Variants in CCDC141 observed in about 807,000 individuals in gnomAD.
CCDC141 encodes the protein coiled-coil domain containing 141.
In CCDC141, 168 loss-of-function variants were observed where a neutral mutation model predicts 181.0. That is an observed-to-expected ratio of 0.93 (90% confidence interval 0.82 to 1.05). The LOEUF (loss-of-function observed/expected upper bound fraction) is 1.05, where lower values mean the gene tolerates loss of function less well. Ranked by LOEUF, CCDC141 falls within the 50% of genes least tolerant of loss-of-function variation. The pLI, the probability that CCDC141 is intolerant of heterozygous loss-of-function variation, is 0.00. For synonymous variants in CCDC141, 666 were observed against 642.3 expected (o/e 1.04, Z -0.56); for missense variants, 1,902 against 1,788.5 (o/e 1.06, Z -1.14).
intron 17 of CCDC141, among the ~76,000 whole-genome samples, chr2:178,865,431 G>A (rs1322738924): frequency 1.3e-5 from 2 of 152,118 alleles, no homozygotes; most frequent in African/African-American, 4.8e-5. Context: ...ATCCACTGAA[G>A]CAAATGACTG....
At chr2:178,845,971 G>A (rs1350010369) in intron 21 of CCDC141, among the ~76,000 whole-genome samples, 1 of 152,172 alleles carries the variant, frequency 6.6e-6, no homozygotes. Flanking sequence ...AAAATTGGTT[G>A]TTGAAAGACC....
At chr2:178,895,556 AC>A (rs1200950458) in intron 8 of CCDC141, among the ~76,000 whole-genome samples, 2 of 152,218 alleles carry the variant, frequency 1.3e-5, no homozygotes, top group Non-Finnish European at 2.9e-5. Flanking sequence ...AGCTTTTGGT[AC>A]TTTCCACACT....
chr2:178,982,431 C>G (rs1691460847), intron 2 of CCDC141, among the ~76,000 whole-genome samples: 1 of 152,158 alleles, frequency 6.6e-6, no homozygotes, highest in Non-Finnish European at 1.5e-5. Flanking sequence ...AACTAAAAAT[C>G]ATTACTGAAA....
intron 2 of CCDC141, among the ~76,000 whole-genome samples, chr2:179,005,779 T>C (rs2042107683): frequency 6.6e-6 from 1 of 152,166 alleles, no homozygotes. Context: ...CTGGTTAATG[T>C]TTGTATTTTT....
At chr2:178,849,987 TTTGA>T in intron 21 of CCDC141, 58 bp downstream of exon 21, 2 of 910,756 alleles carry the variant, frequency 2.2e-6, no homozygotes, top group Non-Finnish European at 3.5e-6. Flanking sequence ...CCAGAAGACA[TTTGA>T]TTAACACATT....
chr2:178,913,716 C>T (rs903208110), intron 7 of CCDC141, among the ~76,000 whole-genome samples: 6 of 152,166 alleles, frequency 3.9e-5, no homozygotes, highest in African/African-American at 1.4e-4. Context: ...TGTTACATTT[C>T]GAACTACTTT....
chr2:179,017,558 T>C (rs895704580), intron 2 of CCDC141, among the ~76,000 whole-genome samples: 1 of 152,080 alleles, frequency 6.6e-6, no homozygotes, highest in Non-Finnish European at 1.5e-5. Context: ...TTGAAGAAAG[T>C]GGCAGCTAGT....
At chr2:179,045,169 G>A (rs372021138) in intron 2 of CCDC141, among the ~76,000 whole-genome samples, 6 of 122,152 alleles carry the variant, frequency 4.9e-5, no homozygotes, top group Admixed American at 1.8e-4. Context: ...CCCTCCCCTC[G>A]ACCCCACAAC....
At chr2:178,969,916 C>T (rs1251109094) in intron 4 of CCDC141, among the ~76,000 whole-genome samples, 2 of 152,218 alleles carry the variant, frequency 1.3e-5, no homozygotes, top group African/African-American at 4.8e-5. Flanking sequence ...TGATATGCAA[C>T]TTCAGCAAAG....
At chr2:178,915,265 A>G (rs902769823) in intron 7 of CCDC141, among the ~76,000 whole-genome samples, 1 of 152,244 alleles carries the variant, frequency 6.6e-6, no homozygotes, top group African/African-American at 2.4e-5. Context: ...TAAAACCTGG[A>G]TGAAAAAAGG....
At chr2:178,931,884 G>A (rs1386030433) in intron 6 of CCDC141, among the ~76,000 whole-genome samples, 1 of 152,066 alleles carries the variant, frequency 6.6e-6, no homozygotes, top group Non-Finnish European at 1.5e-5. Context: ...TGTTATATAT[G>A]GCCAGATATG....
chr2:178,816,339 C>T, the CCDC141 span, among the ~76,000 whole-genome samples: 1 of 152,194 alleles, frequency 6.6e-6, no homozygotes, highest in South Asian at 2.1e-4. Context: ...TAGCAATATG[C>T]ATTTAAGATT....
intron 8 of CCDC141, among the ~76,000 whole-genome samples, chr2:178,903,505 A>G (rs1687807811): frequency 2.0e-5 from 3 of 151,242 alleles, no homozygotes; most frequent in South Asian, 2.1e-4. Flanking sequence ...CTATCGCAAG[A>G]ACAAAAAACC....
intron 17 of CCDC141, among the ~76,000 whole-genome samples, chr2:178,864,373 T>G (rs1685753120): frequency 6.6e-6 from 1 of 152,228 alleles, no homozygotes; most frequent in Non-Finnish European, 1.5e-5. Flanking sequence ...ACGGTTTTCC[T>G]TAACAAGATG....
chr2:178,961,326 T>C lies in CCDC141; in HGVS notation c.684A>G (p.Gln228=). ...LKVDRLLELL[Q]DRRRQLDKYL... ...ACTTGTCTAGTTGTCTTCTCCTGTC[T>C]TGTAGAAGTTCAAGAAGGCGGTCAA... The change falls in exon 5 of 24, where the codon CAA becomes CAG. Residue 228 remains glutamine (Q), a synonymous_variant. Transcript: ENST00000443758. 1 of 1,550,598 alleles carries C rather than the reference T, an allele frequency of 6.4e-7. No homozygotes were observed. The highest frequency in any genetic ancestry group is 8.7e-7 in the Non-Finnish European group (1 of 1,146,946).
intron 7 of CCDC141, among the ~76,000 whole-genome samples, 186 bp from the exon 8 acceptor site, chr2:178,905,687 G>A (rs1434575839): frequency 1.3e-5 from 2 of 152,144 alleles, no homozygotes; most frequent in Non-Finnish European, 2.9e-5. Flanking sequence ...GTTCCATTTA[G>A]GAAACTGATC....
intron 2 of CCDC141, among the ~76,000 whole-genome samples, chr2:179,035,180 T>C (rs2043110244): frequency 6.6e-6 from 1 of 152,164 alleles, no homozygotes; most frequent in Non-Finnish European, 1.5e-5. Flanking sequence ...AGTCTAACAT[T>C]ATGATAGTCA....
intron 22 of CCDC141, among the ~76,000 whole-genome samples, chr2:178,843,690 A>G (rs1470903122): frequency 1.3e-5 from 2 of 152,224 alleles, no homozygotes; most frequent in Admixed American, 6.5e-5. Context: ...GAATTCTACC[A>G]TCATTTAAGG....
At chr2:179,042,395 T>C (rs1354659689) in intron 2 of CCDC141, among the ~76,000 whole-genome samples, 1 of 152,208 alleles carries the variant, frequency 6.6e-6, no homozygotes, top group African/African-American at 2.4e-5. Context: ...TCGCCCAGGC[T>C]GGAGTGCAAT....
Sources: allele counts gnomAD v4.1 joint callset (sites outside exome capture counted in the v4.1 genomes callset), GRCh38; gene constraint gnomAD v4.1.1; transcripts MANE v1.5; gene names NCBI Gene and HGNC (gene_info 2026-07-23, HGNC 2026-07-21).